The following ASTN2 variants were observed in gnomAD, a reference collection of about 807,000 sequenced individuals.
The protein encoded by ASTN2 is astrotactin 2.
ASTN2 carries 54 observed loss-of-function variants against 139.8 expected under a neutral mutation model. That is an observed-to-expected ratio of 0.39 (90% CI 0.31 to 0.48). The LOEUF is 0.48. Ranked by LOEUF, ASTN2 falls within the 20% of genes least tolerant of loss-of-function variation. ASTN2 has a pLI of 0.95. For synonymous variants in ASTN2, 756 were observed against 719.5 expected, an observed-to-expected ratio of 1.05 and a Z score of -0.81; for missense variants, 1,565 against 1,725.1, an observed-to-expected ratio of 0.91 and a Z score of 1.64.
At chr9:117,181,001 G>A (rs751588630) in intron 3 of ASTN2, 50 of 1,595,542 alleles carry the variant, frequency 3.1e-5, no homozygotes, top group East Asian at 1.6e-4. Flanking sequence ...AAGGCACCTC[G>A]CATGCCTGTT....
At chr9:117,282,992 T>C (rs1834361772) in intron 2 of ASTN2, among the ~76,000 whole-genome samples, 1 of 152,106 alleles carries the variant, frequency 6.6e-6, no homozygotes, top group Non-Finnish European at 1.5e-5. Context: ...GTTTTTTTTT[T>C]TTTTTGGAAA....
chr9:117,216,499 A>G (rs1287905167), intron 2 of ASTN2, among the ~76,000 whole-genome samples: 3 of 152,222 alleles, frequency 2.0e-5, no homozygotes, highest in Non-Finnish European at 4.4e-5. Context: ...AAGCAAAGCT[A>G]TAAGTACGTG....
Position 117,008,200 on chromosome 9 carries a change from C to A in ASTN2, c.1483G>T (p.Ala495Ser), listed in dbSNP as rs1837414613. The A allele has an allele frequency of 1.2e-6, 2 of 1,611,826 alleles. No individual in the cohort carries two copies. Among genetic ancestry groups the A allele is most frequent in the African/African-American group, 1.3e-5 (1 of 74,888 alleles). Reference sequence around the variant, plus strand: ...ATCTGGTAATACAGGGAAAGCTTGGCCGGGTTTAACCAGTCGGAGATGTCC... The same window carrying A: ...ATCTGGTAATACAGGGAAAGCTTGGACGGGTTTAACCAGTCGGAGATGTCC... ...YLDISDWLNP[A>S]KLSLYYQINA... is the part of the protein sequence containing the mutation. Residue 495 changes from alanine to serine, a missense_variant, in exon 7 of 23, where the codon GCC (alanine) becomes TCC (serine). Ala to Ser is a moderately conservative substitution (Grantham distance 99, BLOSUM62 1). Coordinates refer to ENST00000313400, the MANE Select transcript of ASTN2 (RefSeq NM_001365068.1).
intron 12 of ASTN2, among the ~76,000 whole-genome samples, chr9:116,808,570 A>T (rs1196642778): frequency 6.6e-6 from 1 of 152,158 alleles, no homozygotes; most frequent in Admixed American, 6.5e-5. Context: ...ACTAATTTTT[A>T]TTGATGGGCA....
intron 7 of ASTN2, among the ~76,000 whole-genome samples, chr9:116,997,697 A>G (rs1446742730): frequency 6.6e-6 from 1 of 152,200 alleles, no homozygotes; most frequent in African/African-American, 2.4e-5. Context: ...ATGTCAATCA[A>G]CTACTTTAAG....
chr9:116,979,075 C>T (rs1836436982), intron 7 of ASTN2, among the ~76,000 whole-genome samples: 1 of 152,084 alleles, frequency 6.6e-6, no homozygotes, highest in South Asian at 2.1e-4. Flanking sequence ...TTATATGAAG[C>T]ATTCTGAGTG....
rs893619150 is a variant in ASTN2, at chr9:117,114,128, T to A, written c.1169-17977A>T. 2.6e-5 allele frequency among the ~76,000 whole-genome samples: 4 copies of A among 151,948 alleles called. No homozygotes were observed. In the East Asian group the frequency reaches 5.8e-4, roughly 22 times the overall value. On this transcript the variant is annotated intron_variant, in intron 4 of 22. Coordinates refer to ENST00000313400, the MANE Select transcript of ASTN2 (RefSeq NM_001365068.1). ...GAACATTTTCATTTTTGTTTATACT[T>A]TGGGGAATTTTAGAAACTCTTTTTA...
At chr9:117,179,008 G>T (rs1046939268) in intron 3 of ASTN2, among the ~76,000 whole-genome samples, 2 of 152,270 alleles carry the variant, frequency 1.3e-5, no homozygotes, top group African/African-American at 4.8e-5. Context: ...AGATGAAGCG[G>T]ATATTCCCTG....
chr9:116,873,755 C>T (rs1833224406), intron 10 of ASTN2, among the ~76,000 whole-genome samples: 1 of 152,098 alleles, frequency 6.6e-6, no homozygotes, highest in African/African-American at 2.4e-5. Context: ...TGGACTTCCC[C>T]ATTACTGTTC....
intron 3 of ASTN2, among the ~76,000 whole-genome samples, chr9:117,190,337 G>A (rs1485022922): frequency 6.6e-6 from 1 of 152,072 alleles, no homozygotes; most frequent in African/African-American, 2.4e-5. Context: ...CATTATGTAG[G>A]GGCTAAATTC....
chr9:117,284,665 A>G (rs1834404135), intron 2 of ASTN2, among the ~76,000 whole-genome samples: 1 of 152,214 alleles, frequency 6.6e-6, no homozygotes, highest in South Asian at 2.1e-4. Context: ...GTACTTTGTT[A>G]TTGCAAACTA....
intron 10 of ASTN2, among the ~76,000 whole-genome samples, chr9:116,882,068 T>A (rs191548114): frequency 1.5e-3 from 224 of 152,292 alleles, no homozygotes; most frequent in African/African-American, 5.2e-3. Flanking sequence ...CATCTATCCA[T>A]CCATCCATCC....
chr9:116,576,956 C>G (rs1380160791), intron 19 of ASTN2, among the ~76,000 whole-genome samples: 4 of 152,134 alleles, frequency 2.6e-5, no homozygotes, highest in Admixed American at 2.0e-4. Context: ...AAAACAACAC[C>G]AACAATAACA....
At chr9:116,515,238 C>T (rs1850594178) in intron 19 of ASTN2, among the ~76,000 whole-genome samples, 1 of 152,124 alleles carries the variant, frequency 6.6e-6, no homozygotes, top group Non-Finnish European at 1.5e-5. Flanking sequence ...TGTGACAGCA[C>T]CCTGACTTTG....
At chr9:116,948,785 G>GTTTTTTTTTTTTGTTTTT (rs1835471789) in intron 10 of ASTN2, among the ~76,000 whole-genome samples, 3,863 of 49,484 alleles carry the variant, frequency 0.078, 478 homozygotes, top group South Asian at 0.11. Context: ...ATAATTTGGT[G>GTTTTTTTTTTTTGTTTTT]TTTTTTTTTT....
intron 10 of ASTN2, among the ~76,000 whole-genome samples, chr9:116,932,533 T>C (rs780607936): frequency 6.6e-6 from 1 of 152,088 alleles, no homozygotes; most frequent in Non-Finnish European, 1.5e-5. Flanking sequence ...CTGCTGCTCT[T>C]CCCCCTGCTT....
chr9:117,235,915 G>A (rs1228149832), intron 2 of ASTN2, among the ~76,000 whole-genome samples: 2 of 152,134 alleles, frequency 1.3e-5, no homozygotes, highest in South Asian at 2.1e-4. Flanking sequence ...CATACCAATT[G>A]TGCAGATGAG....
intron 10 of ASTN2, among the ~76,000 whole-genome samples, chr9:116,922,774 A>T (rs1027649218): frequency 6.6e-6 from 1 of 152,250 alleles, no homozygotes; most frequent in Non-Finnish European, 1.5e-5. Context: ...AAATTTACCT[A>T]TGTAAATTCA....
chr9:117,245,168 G>A (rs1026452927), intron 2 of ASTN2, among the ~76,000 whole-genome samples: 2 of 152,138 alleles, frequency 1.3e-5, no homozygotes, highest in African/African-American at 2.4e-5. Flanking sequence ...TCTGTGTAAT[G>A]GCAATGGATA....
Sources: allele counts gnomAD v4.1 joint callset (sites outside exome capture counted in the v4.1 genomes callset), GRCh38; gene constraint gnomAD v4.1.1; transcripts MANE v1.5; gene names NCBI Gene and HGNC (gene_info 2026-07-23, HGNC 2026-07-21).